Variants in SMIM35 observed in about 807,000 individuals in gnomAD.
SMIM35 encodes the protein small integral membrane protein 35, also known as TMPRSS4 antisense RNA 1 (non-protein coding).
intron 1 of SMIM35, among the ~76,000 whole-genome samples, chr11:118,034,227 C>T (rs2058340768): frequency 6.6e-6 from 1 of 152,102 alleles, no homozygotes; most frequent in South Asian, 2.1e-4. Context: ...GATCTGAGAT[C>T]GTGCCATTCA....
chr11:118,081,384 C>T (rs1280284810), intron 1 of SMIM35, among the ~76,000 whole-genome samples: 1 of 152,142 alleles, frequency 6.6e-6, no homozygotes, highest in East Asian at 1.9e-4. Context: ...ACGTCTAACG[C>T]CACCTCCCAG....
chr11:118,064,083 C>G (rs1017807656), intron 1 of SMIM35, among the ~76,000 whole-genome samples: 13 of 152,188 alleles, frequency 8.5e-5, no homozygotes, highest in African/African-American at 3.1e-4. Context: ...CTGTTGCTAT[C>G]TGGTAGATAG....
intron 1 of SMIM35, among the ~76,000 whole-genome samples, chr11:118,072,619 C>A (rs1439086637): frequency 6.6e-6 from 1 of 152,124 alleles, no homozygotes; most frequent in African/African-American, 2.4e-5. Flanking sequence ...AGGAAGGGAG[C>A]AGAGAGAGCT....
At chr11:118,008,188 G>A (rs1034919972) in intron 4 of SMIM35, among the ~76,000 whole-genome samples, 2 of 152,126 alleles carry the variant, frequency 1.3e-5, no homozygotes, top group African/African-American at 4.8e-5. Context: ...TGTTTTGCTG[G>A]CCTGCTGCTA....
At chr11:118,021,023 T>C (rs921570577) in intron 1 of SMIM35, among the ~76,000 whole-genome samples, 1 of 149,546 alleles carries the variant, frequency 6.7e-6, no homozygotes, top group African/African-American at 2.5e-5. Flanking sequence ...AGTGCGTTTT[T>C]AGTTTCCAAA....
rs527401314 is a variant in SMIM35 at position 118,044,023 on chromosome 11, T to C, written c.8-28214A>G. ...GGAGAATTGTATGTTATGTGAATTA[T>C]ATCTAAACAAAGCTGTTAAAAAAGC... On this transcript the variant is annotated intron_variant, in intron 1 of 4. Coordinates refer to ENST00000689828, the MANE Select transcript of SMIM35 (RefSeq NM_001394165.1). Among the ~76,000 whole-genome samples the C allele has an allele frequency of 1.0e-3, 156 of 152,190 alleles. 1 individual carries two copies. Among genetic ancestry groups the C allele is most frequent in the African/African-American group, 3.5e-3 (144 of 41,538 alleles).
chr11:118,015,340 G>A (rs2058174044), intron 2 of SMIM35, among the ~76,000 whole-genome samples: 1 of 152,184 alleles, frequency 6.6e-6, no homozygotes, highest in Non-Finnish European at 1.5e-5. Context: ...ACAGGCAGGG[G>A]CAGAGACACA....
At position 118,014,909 on chromosome 11, in the gene SMIM35, A is replaced by G. The variant is rs960332955; in HGVS notation, c.125-168T>C. ...CCAGCCTCCTTCAGGGCCCCCCATT[A>G]ACGGTCCTGATTATCCTGGGATGAA... is the stretch of plus-strand genomic sequence containing the variant. On this transcript the variant is annotated intron_variant, in intron 2 of 4. Transcript: ENST00000689828. Among the ~76,000 whole-genome samples the G allele has an allele frequency of 4.6e-5, 7 of 152,286 alleles. No homozygotes were observed. In the East Asian group the frequency reaches 1.2e-3, roughly 25 times the overall value.
At chr11:118,029,720 C>T (rs1343414505) in intron 1 of SMIM35, 1 of 457,294 alleles carries the variant, frequency 2.2e-6, no homozygotes, top group Admixed American at 2.3e-5. Context: ...TACACCCTAC[C>T]CTCTGCCCCA....
chr11:118,006,113 C>A lies in SMIM35; in HGVS notation c.*297G>T. 1 of 152,414 alleles carries A rather than the reference C, an allele frequency of 6.6e-6. No individual in the cohort carries two copies. The allele number at this position is 152,414 out of a possible 1,614,324, so 9.4% of individuals were successfully genotyped here. A position where few individuals can be genotyped will look rare whatever the true frequency, so the allele number is the denominator to read the frequency against. ...CACCTTCTCTCCCATCCTTCACAAT[C>A]AACTTTTTGAAAGAATTGAAAGACT... On this transcript the variant is annotated 3_prime_UTR_variant, in exon 5 of 5. Transcript: ENST00000689828.
intron 1 of SMIM35, among the ~76,000 whole-genome samples, chr11:118,083,257 C>T (rs1945294827): frequency 6.6e-6 from 1 of 152,228 alleles, no homozygotes; most frequent in Admixed American, 6.5e-5. Context: ...CCTCCTAGAA[C>T]TGTCTTTTGC....
intron 1 of SMIM35, chr11:118,025,832 A>T: frequency 2.2e-6 from 1 of 445,314 alleles, no homozygotes; most frequent in South Asian, 1.6e-5. Flanking sequence ...TTTTGTCGTA[A>T]CTGCTTTTGG....
At chr11:118,084,774 T>G (rs773826790) in intron 1 of SMIM35, among the ~76,000 whole-genome samples, 1 of 152,194 alleles carries the variant, frequency 6.6e-6, no homozygotes, top group Non-Finnish European at 1.5e-5. Flanking sequence ...AACAACCCTG[T>G]GAATTAAGTC....
intron 1 of SMIM35, chr11:118,025,875 T>C (rs1304749798): frequency 2.5e-6 from 1 of 408,014 alleles, no homozygotes; most frequent in South Asian, 1.9e-5. Flanking sequence ...CCAAGGCCAA[T>C]GTCCAGAATG....
At chr11:118,052,686 C>G (rs1466854503) in intron 1 of SMIM35, among the ~76,000 whole-genome samples, 1 of 152,032 alleles carries the variant, frequency 6.6e-6, no homozygotes, top group Non-Finnish European at 1.5e-5. Context: ...TCCCACGACC[C>G]CCACCTGGGC....
chr11:118,044,812 CA>C lies in SMIM35; in HGVS notation c.8-29004del, dbSNP rs1470797306. Among the ~76,000 whole-genome samples the C allele has an allele frequency of 3.6e-3, 367 of 102,876 alleles. 4 individuals are homozygous for C. The highest frequency in any genetic ancestry group is 0.012 in the African/African-American group (338 of 28,952). 67.5% of individuals were successfully genotyped at this position (102,876 alleles called of 152,430 possible). A position where few individuals can be genotyped will look rare whatever the true frequency, so the allele number is the denominator to read the frequency against. ...AAAGTTCATTCTACTAAAAAAAAAA[CA>C]AAACAAACAAACAAACAAAAAACCT... On this transcript the variant is annotated intron_variant, in intron 1 of 4. Coordinates refer to ENST00000689828, the MANE Select transcript of SMIM35 (RefSeq NM_001394165.1).
intron 1 of SMIM35, among the ~76,000 whole-genome samples, chr11:118,064,392 G>T (rs1362552646): frequency 3.9e-5 from 6 of 152,134 alleles, no homozygotes; most frequent in African/African-American, 1.2e-4. Context: ...CCCACCGGAG[G>T]TTCAGGTTGG....
chr11:118,028,274 G>A (rs1201411912), intron 1 of SMIM35, among the ~76,000 whole-genome samples: 14 of 152,218 alleles, frequency 9.2e-5, no homozygotes, highest in Admixed American at 7.2e-4. Context: ...GGACCAAAGC[G>A]TGGTGAGACC....
intron 1 of SMIM35, among the ~76,000 whole-genome samples, chr11:118,084,580 G>C (rs542063252): frequency 6.6e-6 from 1 of 152,202 alleles, no homozygotes; most frequent in African/African-American, 2.4e-5. Context: ...CAGAACAAAC[G>C]AGAATCCTCA....
Sources: gnomAD v4.1 joint callset for allele counts (sites outside exome capture counted in the v4.1 genomes callset) on GRCh38, gnomAD v4.1.1 for gene constraint, MANE v1.5 for transcripts, NCBI Gene and HGNC (gene_info 2026-07-23, HGNC 2026-07-21) for gene names.